Variants in MYOF observed in about 807,000 individuals in gnomAD.
The protein encoded by MYOF is fer-1-like 3, myoferlin.
A neutral mutation model predicts 284.2 loss-of-function variants in MYOF; 244 were observed. That is an observed-to-expected ratio of 0.86 (90% CI 0.77 to 0.95). The LOEUF is 0.95. MYOF is among the 40% of genes least tolerant of loss of function. The pLI is 0.00. For missense variants in MYOF, 2,496 were observed against 2,560.6 expected (o/e 0.97, Z 0.54); for synonymous variants, 904 against 919.7 (o/e 0.98, Z 0.31).
Position 93,335,651 on chromosome 10 carries a change from G to A in MYOF, c.4563+270C>T, listed in dbSNP as rs187000205. On this transcript the variant is annotated intron_variant, in intron 41 of 53. Coordinates refer to ENST00000359263, the MANE Select transcript of MYOF (RefSeq NM_013451.4). Reference sequence around the variant, plus strand: ...CAGTCAAGGCTGCTTGGCGTGAGCAGGGAGGCAGGAAGAGATGCGGAGATG... The same window carrying A: ...CAGTCAAGGCTGCTTGGCGTGAGCAAGGAGGCAGGAAGAGATGCGGAGATG... Among the ~76,000 whole-genome samples the A allele has an allele frequency of 7.2e-5, 10 of 139,294 alleles. No homozygotes were observed. In the East Asian group the frequency reaches 1.7e-3, roughly 24 times the overall value. 91.4% of individuals were successfully genotyped at this position (139,294 alleles called of 152,430 possible). A position where few individuals can be genotyped will look rare whatever the true frequency, so the allele number is the denominator to read the frequency against.
intron 4 of MYOF, among the ~76,000 whole-genome samples, chr10:93,430,581 CAAAAA>C (rs747001393): frequency 1.2e-5 from 1 of 86,182 alleles, no homozygotes; most frequent in Non-Finnish European, 2.4e-5. Context: ...GACTCCATCT[CAAAAA>C]AAAAAAAAAA....
Position 93,467,437 on chromosome 10 carries a change from G to A in MYOF, c.89-10500C>T, listed in dbSNP as rs1394502799. Among the ~76,000 whole-genome samples the A allele has an allele frequency of 3.4e-5, 5 of 149,216 alleles. No individual in the cohort carries two copies. The East Asian group carries it at 6.0e-4, about 18-fold the overall frequency. Reference sequence around the variant, plus strand: ...CAGTGTTTGGTTTTTTTGTCCTTGCGATAGTTTGCTGAGAATGATTAAAAA... The same window carrying A: ...CAGTGTTTGGTTTTTTTGTCCTTGCAATAGTTTGCTGAGAATGATTAAAAA... On this transcript the variant is annotated intron_variant, in intron 1 of 53. Coordinates refer to ENST00000359263, the MANE Select transcript of MYOF (RefSeq NM_013451.4).
Position 93,335,966 on chromosome 10 carries a change from G to A in MYOF, c.4518C>T (p.Gly1506=), listed in dbSNP as rs1382018775. ...AAGGATCTTCATTTTCATCCGACTT[G>A]CCTCGGTACAACTTGAACGTATCTG... ...DFSDTFKLYR[G]KSDENEDPSV... Residue 1506 remains glycine (G), a synonymous_variant, in exon 41 of 54, where the codon GGC becomes GGT. Transcript: ENST00000359263. 1 of 1,614,188 alleles carries A rather than the reference G, an allele frequency of 6.2e-7. No homozygotes were observed. The highest frequency in any genetic ancestry group is 8.5e-7 in the Non-Finnish European group (1 of 1,180,040).
chr10:93,395,025 G>T (rs1367308361), intron 16 of MYOF, among the ~76,000 whole-genome samples: 1 of 151,998 alleles, frequency 6.6e-6, no homozygotes, highest in East Asian at 1.9e-4. Flanking sequence ...AGATAAGGAT[G>T]AGAGGAACCT....
intron 32 of MYOF, among the ~76,000 whole-genome samples, chr10:93,352,275 C>T (rs1321027658): frequency 6.6e-6 from 1 of 152,150 alleles, no homozygotes; most frequent in African/African-American, 2.4e-5. Flanking sequence ...ATCTGCTTCA[C>T]GGTGTTGAGA....
Position 93,309,992 on chromosome 10 carries a change from A to C in MYOF, c.6147+28T>G, listed in dbSNP as rs760818795. 1.9e-6 allele frequency: 3 copies of C among 1,613,554 alleles called. No homozygotes were observed. The South Asian group carries it at 3.3e-5, about 18-fold the overall frequency. ...CCAACTGCAACTCACAAGAAAGCCA[A>C]GACAAGGGGCCAAGGAAGGGCTCCT... is the stretch of plus-strand genomic sequence containing the variant. On this transcript the variant is annotated intron_variant, in intron 53 of 53. Coordinates refer to ENST00000359263, the MANE Select transcript of MYOF (RefSeq NM_013451.4).
At position 93,356,720 on chromosome 10, in the gene MYOF, T is replaced by C. The variant is rs368086226; in HGVS notation, c.3249A>G (p.Ser1083=). Residue 1083 remains serine, a synonymous_variant, in exon 30 of 54, where the codon TCA becomes TCG. Transcript: ENST00000359263. ...RRRWRRKMAP[S]ETHGAAAIFK... ...AGATGGCAGCTGCACCATGTGTTTC[T>C]GAAGGAGCCATTTTTCTCCTCCAGC... 13 of 1,614,076 alleles carry C rather than the reference T, an allele frequency of 8.1e-6. No homozygotes were observed. In the African/African-American group the frequency reaches 1.3e-4, roughly 17 times the overall value.
intron 5 of MYOF, among the ~76,000 whole-genome samples, chr10:93,417,430 G>T (rs1394439917): frequency 6.6e-6 from 1 of 152,122 alleles, no homozygotes; most frequent in Non-Finnish European, 1.5e-5. Flanking sequence ...AATGACACTT[G>T]CCTACATGGC....
At chr10:93,355,112 T>G (rs956537614) in intron 31 of MYOF, among the ~76,000 whole-genome samples, 5 of 152,212 alleles carry the variant, frequency 3.3e-5, no homozygotes. Flanking sequence ...ACTGTTAATA[T>G]CAGTGATCTG....
intron 53 of MYOF, 142 bp from the exon 54 acceptor site, chr10:93,307,143 T>G: frequency 1.4e-6 from 1 of 721,734 alleles, no homozygotes; most frequent in Non-Finnish European, 2.2e-6. Flanking sequence ...CATTGTAGGA[T>G]GTTCAGCAGC....
At chr10:93,420,723 C>T (rs1468152550) in intron 5 of MYOF, among the ~76,000 whole-genome samples, 1 of 152,182 alleles carries the variant, frequency 6.6e-6, no homozygotes, top group Admixed American at 6.5e-5. Flanking sequence ...CAGTGGTTAT[C>T]TCAGGAGGAT....
At chr10:93,438,522 T>C (rs2056142250) in intron 3 of MYOF, among the ~76,000 whole-genome samples, 1 of 152,138 alleles carries the variant, frequency 6.6e-6, no homozygotes, top group African/African-American at 2.4e-5. Flanking sequence ...TCTCAGAATG[T>C]GCTTCCCCAG....
At chr10:93,460,202 G>A (rs533381327) in intron 1 of MYOF, among the ~76,000 whole-genome samples, 38 of 152,238 alleles carry the variant, frequency 2.5e-4, no homozygotes, top group African/African-American at 7.5e-4. Context: ...AAAAACCAGC[G>A]CTTGTCAACA....
At chr10:93,435,786 ATGAAAAAT>A (rs1217648758) in intron 3 of MYOF, among the ~76,000 whole-genome samples, 1 of 152,058 alleles carries the variant, frequency 6.6e-6, no homozygotes, top group Non-Finnish European at 1.5e-5. Context: ...CACACAAAAA[ATGAAAAAT>A]TAGCTGGTTG....
chr10:93,444,807 A>G (rs922837575), intron 3 of MYOF, among the ~76,000 whole-genome samples: 9 of 152,244 alleles, frequency 5.9e-5, no homozygotes, highest in African/African-American at 2.2e-4. Context: ...TTATTTCTAC[A>G]TGTACAGGTT....
At chr10:93,472,140 A>T (rs2057161875) in intron 1 of MYOF, among the ~76,000 whole-genome samples, 2 of 152,192 alleles carry the variant, frequency 1.3e-5, no homozygotes, top group African/African-American at 4.8e-5. Flanking sequence ...CGAGGCCTGC[A>T]CTGCAGCAAT....
At position 93,319,838 on chromosome 10, in the gene MYOF, T is replaced by C. The variant is rs1842777559; in HGVS notation, c.5598+34A>G. On this transcript the variant is annotated intron_variant, in intron 49 of 53. Coordinates refer to ENST00000359263, the MANE Select transcript of MYOF (RefSeq NM_013451.4). ...CTTCTGAGTTAAGGAAGATCCATGA[T>C]ACCCACTTCCCAGCGGCATATTTCA... is the stretch of plus-strand genomic sequence containing the variant. The C allele has an allele frequency of 2.5e-6, 4 of 1,613,432 alleles. No homozygotes were observed. In the South Asian group the frequency reaches 3.3e-5, roughly 13 times the overall value.
intron 16 of MYOF, among the ~76,000 whole-genome samples, chr10:93,395,847 G>A (rs1298984217): frequency 6.6e-6 from 1 of 151,436 alleles, no homozygotes; most frequent in African/African-American, 2.4e-5. Flanking sequence ...TGGGAAAGAA[G>A]TTTTGGATGG....
chr10:93,361,675 T>C, intron 27 of MYOF, 118 bp from the exon 28 acceptor site: 1 of 769,504 alleles, frequency 1.3e-6, no homozygotes, highest in Non-Finnish European at 2.1e-6. Flanking sequence ...TTAGATACCA[T>C]CTTAGAGATC....
Sources: gnomAD v4.1 joint callset for allele counts (sites outside exome capture counted in the v4.1 genomes callset) on GRCh38, gnomAD v4.1.1 for gene constraint, MANE v1.5 for transcripts, NCBI Gene and HGNC (gene_info 2026-07-23, HGNC 2026-07-21) for gene names.